Variants in CD302 observed in about 807,000 individuals in gnomAD.
The protein encoded by CD302 is CD302 antigen.
Under a neutral mutation model 26.5 loss-of-function variants are expected in CD302, and 23 were observed. That is an observed-to-expected ratio of 0.87 (90% confidence interval 0.62 to 1.23). The LOEUF (loss-of-function observed/expected upper bound fraction) is 1.23, where lower values mean the gene tolerates loss of function less well. Among genes scored for constraint, CD302 ranks in the 50% most tolerant of loss-of-function variants. The pLI is 0.00. For missense variants in CD302, 290 were observed against 275.5 expected (o/e 1.05, Z -0.37); for synonymous variants, 90 against 99.4 (o/e 0.91, Z 0.56).
intron 5 of CD302, among the ~76,000 whole-genome samples, chr2:159,773,695 A>G (rs1338089744): frequency 6.6e-6 from 1 of 152,206 alleles, no homozygotes; most frequent in Non-Finnish European, 1.5e-5. Context: ...GACAAAGTCA[A>G]TTGTCAAGGC....
chr2:159,789,357 T>C (rs1574500440), intron 1 of CD302, among the ~76,000 whole-genome samples: 1 of 152,314 alleles, frequency 6.6e-6, no homozygotes, highest in East Asian at 1.9e-4. Flanking sequence ...ATGTCAGTGA[T>C]TTTTCAGTTA....
At chr2:159,794,539 T>A (rs1158005093) in intron 1 of CD302, among the ~76,000 whole-genome samples, 4 of 151,336 alleles carry the variant, frequency 2.6e-5, no homozygotes, top group Non-Finnish European at 5.9e-5. Flanking sequence ...TATTTATTTA[T>A]TTATTTATTT....
At chr2:159,797,225 G>GGGT (rs1682463102) in intron 1 of CD302, among the ~76,000 whole-genome samples, 1 of 135,120 alleles carries the variant, frequency 7.4e-6, no homozygotes, top group Admixed American at 7.3e-5. Context: ...CAAGGGGTGG[G>GGGT]GGGGGGGAAT....
chr2:159,777,633 A>G (rs1232630792), intron 5 of CD302, among the ~76,000 whole-genome samples: 1 of 152,206 alleles, frequency 6.6e-6, no homozygotes, highest in Admixed American at 6.5e-5. Context: ...AAACAAGAGA[A>G]TGGACAATAT....
In CD302 at chr2:159,772,047, T is replaced by C. The variant is rs1452130022; in HGVS notation, c.503A>G (p.His168Arg). 2.5e-6 allele frequency: 4 copies of C among 1,613,710 alleles called. No individual in the cohort carries two copies. Among genetic ancestry groups the C allele is most frequent in the African/African-American group, 2.7e-5 (2 of 74,914 alleles). Residue 168 changes from histidine (H) to arginine (R), a missense_variant, in exon 6 of 6, where the codon CAC becomes CGC. His to Arg is a conservative substitution (Grantham distance 29). Transcript: ENST00000259053. ...AATCACCAATGCTGATATTAAAATG[T>C]GGTTATCTGAAAAGGAAAAGACAAA... ...PYKRKYLSDN[H>R]ILISALVIAS...
chr2:159,774,301 G>A (rs1408804683), intron 5 of CD302, among the ~76,000 whole-genome samples: 3 of 152,056 alleles, frequency 2.0e-5, no homozygotes, highest in Non-Finnish European at 2.9e-5. Context: ...CAAATAAATA[G>A]CCACTGTCCA....
rs773662568 is a variant in CD302, at chr2:159,780,991, G to T, written c.186C>A (p.Asp62Glu). The T allele has an allele frequency of 2.0e-5, 32 of 1,603,066 alleles. No individual in the cohort carries two copies. The Admixed American group carries it at 2.7e-4, about 13-fold the overall frequency. Residue 62 changes from aspartate (D) to glutamate (E), a missense_variant, in exon 3 of 6, where the codon GAC becomes GAA. By Grantham distance (45) the Asp-to-Glu change is conservative. Coordinates refer to ENST00000259053, the MANE Select transcript of CD302 (RefSeq NM_014880.5). ...VRNQCTDHGA[D>E]MISIHNEEEN... ...CTTCTTCATTATGTATGCTTATCAT[G>T]TCCGCTCCTGAAATTATTTTAAAGA...
At chr2:159,772,852 T>C (rs1188736489) in intron 5 of CD302, among the ~76,000 whole-genome samples, 1 of 152,198 alleles carries the variant, frequency 6.6e-6, no homozygotes, top group Non-Finnish European at 1.5e-5. Context: ...TTGGCCAAAT[T>C]ATTTGTTAAA....
rs933478948 is a variant in CD302 at position 159,768,644 on chromosome 2, T to C, written c.*3207A>G. ...ACATCAGACTTCATAACCAAGAATT[T>C]TATTACAATTTCAAATCTCATTTTA... On this transcript the variant is annotated 3_prime_UTR_variant, in exon 6 of 6. Coordinates refer to ENST00000259053, the MANE Select transcript of CD302 (RefSeq NM_014880.5). The C allele has an allele frequency of 6.6e-6, 1 of 152,630 alleles. No homozygotes were observed. Among genetic ancestry groups the C allele is most frequent in the African/African-American group, 2.4e-5 (1 of 41,466 alleles). 9.5% of individuals were successfully genotyped at this position (152,630 alleles called of 1,614,324 possible).
chr2:159,772,098 C>T (rs374152793), intron 5 of CD302, 45 bp from the exon 6 acceptor site: 3 of 1,579,458 alleles, frequency 1.9e-6, no homozygotes, highest in African/African-American at 2.7e-5. Flanking sequence ...TTAGGGTACA[C>T]AAGTTGCAAG....
rs1396742183 is a variant in CD302, at chr2:159,798,159, G to A, written c.40C>T (p.Leu14=). The A allele has an allele frequency of 1.3e-6, 2 of 1,484,230 alleles. No individual in the cohort carries two copies. The highest frequency in any genetic ancestry group is 8.9e-7 in the Non-Finnish European group (1 of 1,123,110). The allele number at this position is 1,484,230 out of a possible 1,614,324, so 91.9% of individuals were successfully genotyped here. Residue 14 remains leucine, a synonymous_variant, in exon 1 of 6, where the codon CTG becomes TTG. Coordinates refer to ENST00000259053, the MANE Select transcript of CD302 (RefSeq NM_014880.5). ...AALPALLLPL[L]GLAAAAVADC... is the part of the protein sequence containing the mutation. Reference sequence around the variant, plus strand: ...GCGACGGCAGCAGCGGCGAGGCCCAGCAACGGCAGCAGGAGCGCGGGCAGC... The same window carrying A: ...GCGACGGCAGCAGCGGCGAGGCCCAACAACGGCAGCAGGAGCGCGGGCAGC...
intron 2 of CD302, among the ~76,000 whole-genome samples, chr2:159,782,677 A>G (rs1166883812): frequency 4.0e-5 from 6 of 151,622 alleles, no homozygotes; most frequent in Non-Finnish European, 8.8e-5. Context: ...GTGAGCTATG[A>G]TCATGCCACT....
intron 1 of CD302, among the ~76,000 whole-genome samples, chr2:159,787,328 C>T (rs192267651): frequency 9.6e-4 from 146 of 152,118 alleles, no homozygotes; most frequent in Non-Finnish European, 1.8e-3. Context: ...AATGTAGTTA[C>T]GATGAATTGG....
At chr2:159,789,605 A>G (rs796697112) in intron 1 of CD302, among the ~76,000 whole-genome samples, 52 of 151,488 alleles carry the variant, frequency 3.4e-4, no homozygotes, top group African/African-American at 1.2e-3. Flanking sequence ...AATGCCAAAC[A>G]CTGTGTATGA....
intron 1 of CD302, among the ~76,000 whole-genome samples, chr2:159,793,932 A>G (rs908895532): frequency 1.4e-4 from 22 of 152,118 alleles, no homozygotes; most frequent in South Asian, 1.0e-3. Flanking sequence ...TCACTGGTCT[A>G]TTTTTTAAAG....
At chr2:159,792,422 C>CTG (rs3138650) in intron 1 of CD302, among the ~76,000 whole-genome samples, 6,862 of 145,122 alleles carry the variant, frequency 0.047, 243 homozygotes, top group South Asian at 0.088. Flanking sequence ...AGAACCAACT[C>CTG]TGTGTGTGTG....
intron 5 of CD302, among the ~76,000 whole-genome samples, chr2:159,776,162 CTTATT>C (rs1708317560): frequency 6.6e-6 from 1 of 151,820 alleles, no homozygotes; most frequent in African/African-American, 2.4e-5. Context: ...CTGTGCCTGG[CTTATT>C]TTGTTTAGCC....
chr2:159,787,102 T>C (rs1708686972), intron 1 of CD302, among the ~76,000 whole-genome samples: 2 of 152,232 alleles, frequency 1.3e-5, no homozygotes, highest in African/African-American at 2.4e-5. Flanking sequence ...TTTGTGGCCA[T>C]TGTAATGCTG....
intron 5 of CD302, among the ~76,000 whole-genome samples, chr2:159,777,032 G>A (rs1293423578): frequency 6.6e-6 from 1 of 151,686 alleles, no homozygotes; most frequent in South Asian, 2.1e-4. Context: ...TGAGGCGGGT[G>A]GATCCTTTGA....
Sources: gnomAD v4.1 joint callset for allele counts (sites outside exome capture counted in the v4.1 genomes callset) on GRCh38, gnomAD v4.1.1 for gene constraint, MANE v1.5 for transcripts, NCBI Gene and HGNC (gene_info 2026-07-23, HGNC 2026-07-21) for gene names.